Variants in ZFR observed in about 807,000 individuals in gnomAD.
The protein encoded by ZFR is zinc finger RNA binding protein, also known as zinc finger RNA-binding protein.
A neutral mutation model predicts 130.7 loss-of-function variants in ZFR; 19 were observed. The observed-to-expected ratio is 0.15, with a 90% CI of 0.10 to 0.21. The LOEUF is 0.21. Ranked by LOEUF, ZFR falls within the 10% of genes least tolerant of loss-of-function variation. The pLI is 1.00. For missense variants in ZFR, 872 were observed against 1,321.5 expected (o/e 0.66, Z 5.27); for synonymous variants, 466 against 456.9 (o/e 1.02, Z -0.25).
At chr5:32,430,973 G>C (rs1187543546) in intron 2 of ZFR, among the ~76,000 whole-genome samples, 1 of 152,118 alleles carries the variant, frequency 6.6e-6, no homozygotes, top group African/African-American at 2.4e-5. Flanking sequence ...TACTCAGGGG[G>C]CTGAGGTGGG....
chr5:32,395,131 C>A, intron 11 of ZFR, 28 bp downstream of exon 11: 1 of 1,560,238 alleles, frequency 6.4e-7, no homozygotes, highest in Non-Finnish European at 8.6e-7. Context: ...GAACCACTTA[C>A]CAGGCTATTA....
intron 2 of ZFR, among the ~76,000 whole-genome samples, chr5:32,431,732 C>CT (rs969510125): frequency 3.4e-5 from 5 of 147,408 alleles, no homozygotes; most frequent in African/African-American, 1.3e-4. Flanking sequence ...TACGAAACTA[C>CT]TGACATTTAA....
chr5:32,396,385 C>T (rs1753312210), intron 10 of ZFR, among the ~76,000 whole-genome samples: 1 of 152,122 alleles, frequency 6.6e-6, no homozygotes, highest in African/African-American at 2.4e-5. Flanking sequence ...TTTTAATTTT[C>T]ACCTCCTCCG....
At chr5:32,372,453 A>G (rs578063707) in intron 17 of ZFR, among the ~76,000 whole-genome samples, 1 of 152,314 alleles carries the variant, frequency 6.6e-6, no homozygotes, top group South Asian at 2.1e-4. Context: ...TGAACTGCAC[A>G]GATCCACTTA....
At chr5:32,405,281 T>G (rs1005918055) in intron 6 of ZFR, among the ~76,000 whole-genome samples, 1 of 152,204 alleles carries the variant, frequency 6.6e-6, no homozygotes, top group Non-Finnish European at 1.5e-5. Flanking sequence ...CAAGGTTATA[T>G]AGCTAGTGGC....
At chr5:32,389,539 C>T (rs1369424526) in intron 12 of ZFR, among the ~76,000 whole-genome samples, 1 of 152,110 alleles carries the variant, frequency 6.6e-6, no homozygotes, top group Non-Finnish European at 1.5e-5. Context: ...TTGTTTCTGA[C>T]AGGTATAGAG....
chr5:32,429,106 C>A (rs1754142875), intron 2 of ZFR, among the ~76,000 whole-genome samples: 1 of 151,264 alleles, frequency 6.6e-6, no homozygotes, highest in Admixed American at 6.6e-5. Flanking sequence ...CTGCCTCAGC[C>A]TCCCGAGTAG....
intron 2 of ZFR, among the ~76,000 whole-genome samples, chr5:32,443,423 A>C (rs1410386713): frequency 6.6e-6 from 1 of 152,256 alleles, no homozygotes; most frequent in African/African-American, 2.4e-5. Context: ...CATTCCCCGC[A>C]GGGGAAAGAC....
chr5:32,395,657 C>T (rs182381640), intron 10 of ZFR, among the ~76,000 whole-genome samples: 1 of 152,166 alleles, frequency 6.6e-6, no homozygotes, highest in Admixed American at 6.5e-5. Context: ...CTCTGCCACC[C>T]CTGAGAGAGT....
chr5:32,363,082 A>G (rs1465598942), intron 19 of ZFR, among the ~76,000 whole-genome samples: 1 of 152,190 alleles, frequency 6.6e-6, no homozygotes, highest in Non-Finnish European at 1.5e-5. Context: ...CTCTCCCCCA[A>G]TACCATTTCT....
At position 32,414,579 on chromosome 5, in the gene ZFR, C is replaced by T. The variant is rs553537615; in HGVS notation, c.784+390G>A. Among the ~76,000 whole-genome samples, 15 of 152,282 alleles carry T rather than the reference C, an allele frequency of 9.9e-5. 1 individual carries two copies. The highest frequency in any genetic ancestry group is 2.4e-4 in the African/African-American group (10 of 41,558). On this transcript the variant is annotated intron_variant, in intron 5 of 19. Transcript: ENST00000265069. ...CTATTTCTGATAATAAATAGCTCTT[C>T]GAGAGCCAAAATAAACAGAAATAAT... is the stretch of plus-strand genomic sequence containing the variant.
intron 8 of ZFR, among the ~76,000 whole-genome samples, chr5:32,401,586 T>C (rs921356880): frequency 6.6e-6 from 1 of 152,198 alleles, no homozygotes; most frequent in Non-Finnish European, 1.5e-5. Flanking sequence ...TATGAATTAC[T>C]ACACAGGTAG....
At chr5:32,385,762 C>A in intron 14 of ZFR, 113 bp from the exon 15 acceptor site, 3 of 1,159,248 alleles carry the variant, frequency 2.6e-6, no homozygotes, top group African/African-American at 1.5e-5. Flanking sequence ...ATATGAGGAC[C>A]AGATTATATA....
intron 15 of ZFR, among the ~76,000 whole-genome samples, chr5:32,380,582 G>C (rs1464412297): frequency 6.7e-6 from 1 of 149,700 alleles, no homozygotes; most frequent in African/African-American, 2.5e-5. Flanking sequence ...AAGAACTGAT[G>C]ATAAATATAG....
intron 14 of ZFR, among the ~76,000 whole-genome samples, chr5:32,385,935 C>T (rs544478760): frequency 6.4e-4 from 97 of 152,216 alleles, no homozygotes; most frequent in Non-Finnish European, 1.3e-3. Context: ...AAAAGAAACA[C>T]TGCCATATTT....
At position 32,387,684 on chromosome 5, in the gene ZFR, A is replaced by C. The variant is rs769315296; in HGVS notation, c.2364T>G (p.Val788=). 6.2e-7 allele frequency: 1 copy of C among 1,611,104 alleles called. No individual in the cohort carries two copies. Among genetic ancestry groups the C allele is most frequent in the Non-Finnish European group, 8.5e-7 (1 of 1,178,376 alleles). The change falls in exon 14 of 20, where the codon GTT becomes GTG. Residue 788 remains valine, a synonymous_variant. Coordinates refer to ENST00000265069, the MANE Select transcript of ZFR (RefSeq NM_016107.5). ...CTTTTGCCAATACTCCCACTCGCAAAACTCCTTTCAAAGCTCTGCAGTAAA... is the reference window on the plus strand; with the variant it reads ...CTTTTGCCAATACTCCCACTCGCAACACTCCTTTCAAAGCTCTGCAGTAAA... ...EGGKDRALKG[V]LRVGVLAKGL...
intron 5 of ZFR, among the ~76,000 whole-genome samples, chr5:32,409,694 C>A (rs1753656140): frequency 6.6e-6 from 1 of 152,224 alleles, no homozygotes; most frequent in African/African-American, 2.4e-5. Context: ...GCATGAGCCA[C>A]CGCACCTGCA....
intron 19 of ZFR, among the ~76,000 whole-genome samples, chr5:32,359,373 C>T (rs1471804407): frequency 2.6e-5 from 4 of 151,828 alleles, no homozygotes; most frequent in African/African-American, 4.8e-5. Flanking sequence ...TGGCCCAACA[C>T]AATTCTTCTT....
intron 4 of ZFR, among the ~76,000 whole-genome samples, chr5:32,417,151 T>C (rs1753846970): frequency 6.7e-6 from 1 of 149,046 alleles, no homozygotes; most frequent in Non-Finnish European, 1.5e-5. Context: ...TTTTAAAGTC[T>C]GTAAATATAC....
Sources: gnomAD v4.1 joint callset for allele counts (sites outside exome capture counted in the v4.1 genomes callset) on GRCh38, gnomAD v4.1.1 for gene constraint, MANE v1.5 for transcripts, NCBI Gene and HGNC (gene_info 2026-07-23, HGNC 2026-07-21) for gene names.